SOX5: variants seen among roughly 807,000 people sequenced by gnomAD.
SOX5 encodes transcription factor SOX-5.
In SOX5, 9 loss-of-function variants were observed where a neutral mutation model predicts 92.0. The observed-to-expected ratio is 0.10, with a 90% CI of 0.06 to 0.17. The LOEUF is 0.17. Among genes scored for constraint, SOX5 ranks in the 10% least tolerant of loss-of-function variants. SOX5 has a pLI of 1.00. For missense variants in SOX5, 642 were observed against 944.5 expected (o/e 0.68, Z 4.20); for synonymous variants, 344 against 336.3 (o/e 1.02, Z -0.25).
At chr12:24,353,830 A>C (rs957541176) in intron 2 of SOX5, among the ~76,000 whole-genome samples, 1 of 151,808 alleles carries the variant, frequency 6.6e-6, no homozygotes, top group Non-Finnish European at 1.5e-5. Context: ...TAGTAGAGAC[A>C]GGGTTTCACC....
chr12:24,549,252 C>T (rs974351595), intron 1 of SOX5, among the ~76,000 whole-genome samples: 14 of 152,144 alleles, frequency 9.2e-5, no homozygotes, highest in Non-Finnish European at 1.6e-4. Flanking sequence ...CAATCATAAA[C>T]GCTGATAATT....
chr12:23,790,756 A>G (rs1363820636), intron 3 of SOX5, among the ~76,000 whole-genome samples: 1 of 152,180 alleles, frequency 6.6e-6, no homozygotes, highest in Non-Finnish European at 1.5e-5. Flanking sequence ...AAGCCGGCCT[A>G]TCCAGACTGT....
chr12:23,783,571 G>C (rs2095323483), intron 3 of SOX5, among the ~76,000 whole-genome samples: 1 of 152,110 alleles, frequency 6.6e-6, no homozygotes, highest in Non-Finnish European at 1.5e-5. Context: ...AAAAACTCTT[G>C]TCTAGAAGCC....
At chr12:24,384,163 TA>T (rs1238986558) in intron 1 of SOX5, among the ~76,000 whole-genome samples, 1 of 152,184 alleles carries the variant, frequency 6.6e-6, no homozygotes, top group Non-Finnish European at 1.5e-5. Context: ...CAGTCTCAGA[TA>T]TTTTTTTCAT....
intron 1 of SOX5, among the ~76,000 whole-genome samples, chr12:24,543,913 A>G (rs1952372705): frequency 1.3e-5 from 2 of 152,178 alleles, no homozygotes; most frequent in African/African-American, 4.8e-5. Flanking sequence ...TAACTTATGA[A>G]CTATATTTAA....
chr12:24,517,788 C>A (rs1197186119), intron 1 of SOX5, among the ~76,000 whole-genome samples: 1 of 151,352 alleles, frequency 6.6e-6, no homozygotes, highest in Non-Finnish European at 1.5e-5. Context: ...AATCTCTCAG[C>A]AAAACATTAA....
At chr12:24,181,686 G>A (rs1250166798) in intron 4 of SOX5, among the ~76,000 whole-genome samples, 1 of 152,150 alleles carries the variant, frequency 6.6e-6, no homozygotes, top group Non-Finnish European at 1.5e-5. Context: ...GAATTAGCTA[G>A]TATTATTGTT....
chr12:23,756,428 T>A, intron 3 of SOX5, among the ~76,000 whole-genome samples: 1 of 151,882 alleles, frequency 6.6e-6, no homozygotes, highest in East Asian at 1.9e-4. Context: ...TTTAGTCTGG[T>A]ATTTGTTTCT....
At chr12:24,536,718 T>G (rs371647916) in intron 1 of SOX5, among the ~76,000 whole-genome samples, 2 of 152,166 alleles carry the variant, frequency 1.3e-5, no homozygotes, top group South Asian at 4.1e-4. Context: ...CCTTTGTCAT[T>G]TTTACTTTTT....
intron 2 of SOX5, among the ~76,000 whole-genome samples, chr12:23,892,610 A>G (rs1424025987): frequency 1.3e-5 from 2 of 152,234 alleles, no homozygotes; most frequent in African/African-American, 4.8e-5. Flanking sequence ...AATGTTTGAG[A>G]TCATATAGGT....
intron 3 of SOX5, among the ~76,000 whole-genome samples, chr12:23,841,332 A>G (rs530588330): frequency 5.9e-5 from 9 of 152,144 alleles, no homozygotes; most frequent in Non-Finnish European, 1.2e-4. Context: ...GTGGAACAAT[A>G]GAAACTTACA....
intron 6 of SOX5, among the ~76,000 whole-genome samples, chr12:23,679,032 A>C (rs2086151612): frequency 1.3e-5 from 2 of 152,208 alleles, no homozygotes; most frequent in African/African-American, 4.8e-5. Flanking sequence ...TAATGATTAC[A>C]ACAAAACTAT....
At chr12:24,077,701 T>C (rs1942796989) in intron 4 of SOX5, among the ~76,000 whole-genome samples, 1 of 149,050 alleles carries the variant, frequency 6.7e-6, no homozygotes, top group African/African-American at 2.5e-5. Context: ...CACACGAGAC[T>C]GAAACATTTG....
At chr12:23,925,420 C>G (rs1294849461) in intron 1 of SOX5, among the ~76,000 whole-genome samples, 2 of 151,960 alleles carry the variant, frequency 1.3e-5, no homozygotes, top group Non-Finnish European at 2.9e-5. Context: ...CTGTAATACT[C>G]CTGTCTTATA....
chr12:23,685,868 A>C (rs890316410), intron 6 of SOX5, among the ~76,000 whole-genome samples: 1 of 152,168 alleles, frequency 6.6e-6, no homozygotes, highest in Non-Finnish European at 1.5e-5. Flanking sequence ...AAAGTAGGAG[A>C]TATTGTGTCT....
At chr12:23,590,025 A>T (rs1433228561) in intron 9 of SOX5, among the ~76,000 whole-genome samples, 1 of 152,044 alleles carries the variant, frequency 6.6e-6, no homozygotes, top group Non-Finnish European at 1.5e-5. Flanking sequence ...ATACAATGTA[A>T]CAGCAAATTC....
At chr12:24,041,049 T>C (rs570436788) in intron 4 of SOX5, among the ~76,000 whole-genome samples, 4 of 152,296 alleles carry the variant, frequency 2.6e-5, no homozygotes, top group South Asian at 2.1e-4. Context: ...AAAAATATTT[T>C]CTCTTTACCA....
At chr12:23,745,031 T>C (rs552936792) in intron 4 of SOX5, among the ~76,000 whole-genome samples, 1 of 152,260 alleles carries the variant, frequency 6.6e-6, no homozygotes, top group South Asian at 2.1e-4. Context: ...CATAATAAAC[T>C]CATTTTAATT....
At chr12:23,954,290 T>C (rs1383317555), upstream of SOX5, among the ~76,000 whole-genome samples, 1 of 151,994 alleles carries the variant, frequency 6.6e-6, no homozygotes, top group South Asian at 2.1e-4. Flanking sequence ...ATAAAACTCT[T>C]AATATTATAA....
Sources: allele counts gnomAD v4.1 joint callset (sites outside exome capture counted in the v4.1 genomes callset), GRCh38; gene constraint gnomAD v4.1.1; transcripts MANE v1.5; gene names NCBI Gene and HGNC (gene_info 2026-07-23, HGNC 2026-07-21).